Variants in ANGPT1 observed in about 807,000 individuals in gnomAD.
The protein encoded by ANGPT1 is angiopoietin 1.
ANGPT1 carries 17 observed loss-of-function variants against 62.2 expected under a neutral mutation model. That is an observed-to-expected ratio of 0.27 (90% confidence interval 0.19 to 0.41). The LOEUF (loss-of-function observed/expected upper bound fraction) is 0.41, where lower values mean the gene tolerates loss of function less well. ANGPT1 is among the 10% of genes least tolerant of loss of function. ANGPT1 has a pLI of 1.00. For synonymous variants in ANGPT1, 199 were observed against 198.9 expected (o/e 1.00, Z 0.00); for missense variants, 478 against 594.9 (o/e 0.80, Z 2.04).
chr8:107,452,626 A>C (rs1261097756), intron 1 of ANGPT1, among the ~76,000 whole-genome samples: 2 of 151,996 alleles, frequency 1.3e-5, no homozygotes, highest in Non-Finnish European at 2.9e-5. Flanking sequence ...CCATATATTT[A>C]ATCACAGCCA....
intron 1 of ANGPT1, among the ~76,000 whole-genome samples, chr8:107,410,241 T>C (rs2130353885): frequency 6.6e-6 from 1 of 152,302 alleles, no homozygotes; most frequent in South Asian, 2.1e-4. Context: ...AAGGGTCTAA[T>C]ACTCACCCTG....
At chr8:107,411,097 G>C (rs550251191) in intron 1 of ANGPT1, among the ~76,000 whole-genome samples, 1 of 152,068 alleles carries the variant, frequency 6.6e-6, no homozygotes, top group African/African-American at 2.4e-5. Context: ...ATTTAAAGAT[G>C]TTTTAAAAAA....
At chr8:107,321,144 G>A (rs1815140328) in intron 4 of ANGPT1, among the ~76,000 whole-genome samples, 1 of 151,990 alleles carries the variant, frequency 6.6e-6, no homozygotes, top group South Asian at 2.1e-4. Flanking sequence ...GGTGCAAGCA[G>A]AGGCATTCAT....
intron 8 of ANGPT1, among the ~76,000 whole-genome samples, chr8:107,255,775 T>C (rs1011982226): frequency 6.9e-6 from 1 of 144,332 alleles, no homozygotes; most frequent in Non-Finnish European, 1.5e-5. Context: ...GATAATGCAC[T>C]ATTACAGCCT....
intron 1 of ANGPT1, chr8:107,494,900 A>G (rs1443999660): frequency 6.6e-6 from 1 of 152,196 alleles, no homozygotes; most frequent in Admixed American, 6.5e-5. Context: ...AAATAAATGG[A>G]TAAATTAATT....
At chr8:107,390,535 G>C (rs1378049408) in intron 1 of ANGPT1, among the ~76,000 whole-genome samples, 1 of 152,122 alleles carries the variant, frequency 6.6e-6, no homozygotes, top group Non-Finnish European at 1.5e-5. Context: ...AAAATCATAC[G>C]TGGGATTAAA....
intron 1 of ANGPT1, among the ~76,000 whole-genome samples, chr8:107,365,865 A>ACACACG (rs1816262161): frequency 6.8e-6 from 1 of 147,300 alleles, no homozygotes; most frequent in Non-Finnish European, 1.5e-5. Flanking sequence ...CAACACACAC[A>ACACACG]CACACACACA....
chr8:107,439,490 G>A (rs1811416587), intron 1 of ANGPT1, among the ~76,000 whole-genome samples: 1 of 152,272 alleles, frequency 6.6e-6, no homozygotes, highest in African/African-American at 2.4e-5. Context: ...CTATATTTAT[G>A]GCTGTCAGAG....
At chr8:107,470,856 C>T (rs911997361) in intron 1 of ANGPT1, among the ~76,000 whole-genome samples, 2 of 152,136 alleles carry the variant, frequency 1.3e-5, no homozygotes, top group African/African-American at 2.4e-5. Context: ...GATACCATCT[C>T]GTACCAGTTA....
At chr8:107,447,931 T>C (rs2130446918) in intron 1 of ANGPT1, among the ~76,000 whole-genome samples, 1 of 152,358 alleles carries the variant, frequency 6.6e-6, no homozygotes, top group East Asian at 1.9e-4. Context: ...CTGAAAGTTA[T>C]GAATTTGAAT....
At chr8:107,445,963 G>C (rs980453961) in intron 1 of ANGPT1, among the ~76,000 whole-genome samples, 7 of 152,116 alleles carry the variant, frequency 4.6e-5, no homozygotes, top group Non-Finnish European at 8.8e-5. Flanking sequence ...TGTCACCCAG[G>C]CTGGAGTGCA....
At chr8:107,292,476 C>T (rs1445005816) in intron 6 of ANGPT1, among the ~76,000 whole-genome samples, 1 of 152,100 alleles carries the variant, frequency 6.6e-6, no homozygotes, top group Admixed American at 6.5e-5. Flanking sequence ...AATACTAAGT[C>T]CTTAAGGCAA....
chr8:107,387,301 C>T (rs1273606335), intron 1 of ANGPT1, among the ~76,000 whole-genome samples: 2 of 152,058 alleles, frequency 1.3e-5, no homozygotes, highest in Non-Finnish European at 2.9e-5. Context: ...GAGTTCAGAT[C>T]CCTGCTGTAT....
intron 1 of ANGPT1, among the ~76,000 whole-genome samples, chr8:107,493,248 A>G (rs1340623400): frequency 6.6e-6 from 1 of 150,616 alleles, no homozygotes; most frequent in Non-Finnish European, 1.5e-5. Flanking sequence ...ACAAGCCTAG[A>G]AACAAACAAT....
chr8:107,347,453 G>A (rs1380302149), intron 1 of ANGPT1, among the ~76,000 whole-genome samples: 1 of 152,046 alleles, frequency 6.6e-6, no homozygotes, highest in African/African-American at 2.4e-5. Context: ...AATCAGAGAG[G>A]CCAGTGATAA....
intron 2 of ANGPT1, among the ~76,000 whole-genome samples, chr8:107,341,881 G>A (rs1430928495): frequency 6.6e-6 from 1 of 151,864 alleles, no homozygotes; most frequent in East Asian, 1.9e-4. Context: ...GCTTCCCTCT[G>A]GTTAGTGACA....
intron 3 of ANGPT1, among the ~76,000 whole-genome samples, chr8:107,324,147 CAA>C (rs1159031647): frequency 7.4e-4 from 78 of 105,836 alleles, no homozygotes; most frequent in African/African-American, 2.4e-3. Flanking sequence ...GCCCCCCAGC[CAA>C]AAAAAAAAAA....
chr8:107,436,596 G>A (rs1811342250), intron 1 of ANGPT1, among the ~76,000 whole-genome samples: 2 of 152,014 alleles, frequency 1.3e-5, no homozygotes. Context: ...TCTCCTCCTG[G>A]GAATTTGAAG....
At chr8:107,253,473 CTTGA>C (rs1163678352) in intron 8 of ANGPT1, among the ~76,000 whole-genome samples, 1 of 152,158 alleles carries the variant, frequency 6.6e-6, no homozygotes, top group Non-Finnish European at 1.5e-5. Flanking sequence ...TGAAATTCAA[CTTGA>C]TTGATTCTGT....
Sources: gnomAD v4.1 joint callset for allele counts (sites outside exome capture counted in the v4.1 genomes callset) on GRCh38, gnomAD v4.1.1 for gene constraint, MANE v1.5 for transcripts, NCBI Gene and HGNC (gene_info 2026-07-23, HGNC 2026-07-21) for gene names.